Variants in NCS1 observed in about 807,000 individuals in gnomAD.
NCS1 encodes frequenin homolog.
Under a neutral mutation model 28.4 loss-of-function variants are expected in NCS1, and 6 were observed. That is an observed-to-expected ratio of 0.21 (90% CI 0.12 to 0.42). The LOEUF is 0.42. Among genes scored for constraint, NCS1 ranks in the 10% least tolerant of loss-of-function variants. The pLI, the probability that NCS1 is intolerant of heterozygous loss-of-function variation, is 1.00. For missense variants in NCS1, 131 were observed against 241.4 expected (o/e 0.54, Z 3.03); for synonymous variants, 86 against 99.3 (o/e 0.87, Z 0.79).
At chr9:130,222,793 C>T (rs1833351150) in intron 5 of NCS1, 55 bp downstream of exon 5, 2 of 1,547,520 alleles carry the variant, frequency 1.3e-6, no homozygotes, top group East Asian at 4.5e-5. Flanking sequence ...AAGCCAGTGA[C>T]TGAGAGACAG....
In NCS1 at chr9:130,181,224, C is replaced by G. The variant is rs1832649321; in HGVS notation, c.64+8497C>G. Among the ~76,000 whole-genome samples, 1 of 152,158 alleles carries G rather than the reference C, an allele frequency of 6.6e-6. No homozygotes were observed. Among genetic ancestry groups the G allele is most frequent in the Middle Eastern group, 3.2e-3 (1 of 316 alleles). The stretch of plus-strand genomic sequence containing the variant: ...GATCTTCTCAGCCTCAGGCATGGTT[C>G]TTAGCCTCTCGATACCTTAGTTTTC... On this transcript the variant is annotated intron_variant, in intron 1 of 7. Coordinates refer to ENST00000372398, the MANE Select transcript of NCS1 (RefSeq NM_014286.4). The surrounding 1 kb of genome is among the most constrained non-coding windows in gnomAD (Gnocchi z 5.0).
chr9:130,197,832 G>A (rs1355559476), intron 1 of NCS1, among the ~76,000 whole-genome samples: 1 of 152,130 alleles, frequency 6.6e-6, no homozygotes, highest in Admixed American at 6.5e-5. Flanking sequence ...CCGTGGTGGT[G>A]TATGCCTGTA....
chr9:130,193,529 A>G (rs1554906468), intron 1 of NCS1, among the ~76,000 whole-genome samples: 1 of 151,814 alleles, frequency 6.6e-6, no homozygotes, highest in East Asian at 1.9e-4. Flanking sequence ...GCCTGTAGGG[A>G]GATCTCTGGA....
chr9:130,223,681 C>T (rs558728291), intron 6 of NCS1, among the ~76,000 whole-genome samples: 1 of 152,046 alleles, frequency 6.6e-6, no homozygotes, highest in African/African-American at 2.4e-5. Context: ...TCCCTACTGT[C>T]GACAGATCAC....
At chr9:130,179,864 A>T (rs1554904981) in intron 1 of NCS1, among the ~76,000 whole-genome samples, 1 of 152,206 alleles carries the variant, frequency 6.6e-6, no homozygotes, top group East Asian at 1.9e-4. Context: ...AGCGCCAGAA[A>T]GGTGAAGCAT....
At chr9:130,207,066 A>T (rs1758622198) in intron 2 of NCS1, among the ~76,000 whole-genome samples, 1 of 152,098 alleles carries the variant, frequency 6.6e-6, no homozygotes, top group Non-Finnish European at 1.5e-5. Flanking sequence ...CCAGCTCCTC[A>T]GCCCAGCCAG....
intron 6 of NCS1, among the ~76,000 whole-genome samples, chr9:130,224,560 A>AG (rs1447181234): frequency 6.7e-6 from 1 of 150,310 alleles, no homozygotes; most frequent in Non-Finnish European, 1.5e-5. Flanking sequence ...CTGTCTCAAA[A>AG]GAAAAAAAAT....
chr9:130,197,026 A>G (rs527614711), intron 1 of NCS1, among the ~76,000 whole-genome samples: 6 of 152,300 alleles, frequency 3.9e-5, no homozygotes, highest in Non-Finnish European at 5.9e-5. Context: ...GTCTTGTAGA[A>G]TGTCCCACAG....
intron 6 of NCS1, 110 bp downstream of exon 6, chr9:130,223,269 C>A: frequency 2.0e-6 from 2 of 976,000 alleles, no homozygotes; most frequent in Non-Finnish European, 1.6e-6. Context: ...TCCTCCATGG[C>A]TCACGGCAGG....
rs373004838 is a variant in NCS1 at position 130,223,032 on chromosome 9, C to T, written c.397-50C>T. On this transcript the variant is annotated intron_variant, in intron 5 of 7. Transcript: ENST00000372398. ...TGGGGGGCAAATGCGTGGCCAAGAG[C>T]CCAAAGCCCAGAGTGCCAGGGCCCA... The T allele has an allele frequency of 7.2e-6, 11 of 1,533,646 alleles. No individual in the cohort carries two copies. The African/African-American group carries it at 1.2e-4, about 17-fold the overall frequency.
At chr9:130,210,235 C>G (rs1002352908) in intron 2 of NCS1, among the ~76,000 whole-genome samples, 1 of 151,946 alleles carries the variant, frequency 6.6e-6, no homozygotes, top group Non-Finnish European at 1.5e-5. Flanking sequence ...CCCGTCTCTA[C>G]TAAAAATACA....
At chr9:130,203,035 C>T (rs2131137108) in intron 2 of NCS1, among the ~76,000 whole-genome samples, 1 of 144,992 alleles carries the variant, frequency 6.9e-6, no homozygotes, top group East Asian at 2.0e-4. Flanking sequence ...GCTCTTGCCT[C>T]CAGGGTAAAT....
chr9:130,212,304 G>C (rs1833123952), intron 2 of NCS1, among the ~76,000 whole-genome samples: 1 of 152,008 alleles, frequency 6.6e-6, no homozygotes, highest in Non-Finnish European at 1.5e-5. Flanking sequence ...AACCTGGGTG[G>C]TTCTGCCCCC....
chr9:130,172,454 C>T lies in NCS1; in HGVS notation c.-210C>T, dbSNP rs1296744289. ...ACCGCGCCGGCGCCGGCGCCCAGCC[C>T]AGGCAGCCCCGCGCCGCGGCGCCCG... is the stretch of plus-strand genomic sequence containing the variant. On this transcript the variant is annotated 5_prime_UTR_variant, in exon 1 of 8. Coordinates refer to ENST00000372398, the MANE Select transcript of NCS1 (RefSeq NM_014286.4). 2.1e-5 allele frequency: 3 copies of T among 145,040 alleles called. No individual in the cohort carries two copies. The highest frequency in any genetic ancestry group is 3.1e-5 in the Non-Finnish European group (2 of 65,390). The allele number at this position is 145,040 out of a possible 1,614,324, so 9.0% of individuals were successfully genotyped here.
chr9:130,235,926 T>G lies in NCS1; in HGVS notation c.*2954T>G, dbSNP rs1554912988. On this transcript the variant is annotated 3_prime_UTR_variant, in exon 8 of 8. Coordinates refer to ENST00000372398, the MANE Select transcript of NCS1 (RefSeq NM_014286.4). ...GCAGGCACCAGCCCCAGGCGGCCAG[T>G]CGGCCACGGCCTGTCCTCTTCCTCG... The G allele has an allele frequency of 6.6e-6, 1 of 152,386 alleles. No homozygotes were observed. Among genetic ancestry groups the G allele is most frequent in the South Asian group, 2.1e-4 (1 of 4,840 alleles). The allele number at this position is 152,386 out of a possible 1,614,324, so 9.4% of individuals were successfully genotyped here.
intron 2 of NCS1, among the ~76,000 whole-genome samples, chr9:130,214,975 C>T (rs139289607): frequency 1.9e-4 from 29 of 152,354 alleles, no homozygotes; most frequent in African/African-American, 6.0e-4. Context: ...GCACAGCCTC[C>T]ATCTCCTTAG....
At chr9:130,183,657 T>C (rs1832697192) in intron 1 of NCS1, among the ~76,000 whole-genome samples, 1 of 135,818 alleles carries the variant, frequency 7.4e-6, no homozygotes, top group Non-Finnish European at 1.7e-5. Context: ...CTTTCTTTCT[T>C]TTTCTTTCCT....
intron 6 of NCS1, among the ~76,000 whole-genome samples, chr9:130,223,429 C>G (rs35841386): frequency 0.023 from 3,475 of 151,950 alleles, 57 homozygotes; most frequent in Admixed American, 0.043. Flanking sequence ...TCTGGAGAAG[C>G]CTACAGACTT....
intron 2 of NCS1, 63 bp downstream of exon 2, chr9:130,201,045 G>A: frequency 6.2e-7 from 1 of 1,604,184 alleles, no homozygotes; most frequent in Non-Finnish European, 8.5e-7. Flanking sequence ...TGGGCTGTGG[G>A]CTGATGGGGA....
Sources: allele counts gnomAD v4.1 joint callset (sites outside exome capture counted in the v4.1 genomes callset), GRCh38; gene constraint gnomAD v4.1.1; non-coding constraint Gnocchi (gnomAD v3.1); transcripts MANE v1.5; gene names NCBI Gene and HGNC (gene_info 2026-07-23, HGNC 2026-07-21).